The following PRELID2 variants were observed in gnomAD, a reference collection of about 807,000 sequenced individuals.
PRELID2 encodes PRELI domain containing 2, also known as PRELI domain-containing protein 2.
In PRELID2, 25 loss-of-function variants were observed where a neutral mutation model predicts 28.4. The ratio of observed to expected loss-of-function variants is 0.88; its 90% confidence interval spans 0.64 to 1.23. The LOEUF (loss-of-function observed/expected upper bound fraction) is 1.23. PRELID2 is among the 50% of genes most tolerant of loss of function. The probability of loss-of-function intolerance (pLI) is 0.00; values close to 1 mark genes in which losing one functional copy is unlikely to be tolerated. For synonymous variants in PRELID2, 76 were observed against 71.6 expected, an observed-to-expected ratio of 1.06 and a Z score of -0.31; for missense variants, 201 against 214.4, an observed-to-expected ratio of 0.94 and a Z score of 0.39.
intron 5 of PRELID2, among the ~76,000 whole-genome samples, chr5:145,792,964 G>T (rs367692577): frequency 6.6e-6 from 1 of 152,212 alleles, no homozygotes; most frequent in South Asian, 2.1e-4. Context: ...GGTCACAAAG[G>T]TGAGGAGAGC....
At chr5:145,477,342 AGAT>A (rs1305659414) in intron 1 of PRELID2, among the ~76,000 whole-genome samples, 13 of 152,172 alleles carry the variant, frequency 8.5e-5, no homozygotes, top group Non-Finnish European at 1.5e-5. Context: ...CATAGAGACA[AGAT>A]GGCGGCCATC....
chr5:145,685,895 C>T (rs537908036), intron 1 of PRELID2, among the ~76,000 whole-genome samples: 3 of 152,172 alleles, frequency 2.0e-5, no homozygotes, highest in Non-Finnish European at 4.4e-5. Flanking sequence ...TGTGAGGAAT[C>T]TCCTCCAAGA....
At chr5:145,367,709 TG>T in the PRELID2 span, among the ~76,000 whole-genome samples, 1 of 151,982 alleles carries the variant, frequency 6.6e-6, no homozygotes, top group Admixed American at 6.6e-5. Context: ...TAATACAGTG[TG>T]TAGCCTTTTT....
At chr5:145,291,291 T>G in the PRELID2 span, among the ~76,000 whole-genome samples, 309 of 136,410 alleles carry the variant, frequency 2.3e-3, 2 homozygotes, top group African/African-American at 8.8e-3. Flanking sequence ...GAGCCGAGAT[T>G]GCACTACTGC....
intron 1 of PRELID2, among the ~76,000 whole-genome samples, chr5:145,678,454 A>C (rs1352334847): frequency 2.0e-5 from 3 of 152,198 alleles, no homozygotes; most frequent in Non-Finnish European, 4.4e-5. Context: ...TGCACAGGAC[A>C]GTATCTGTCT....
At chr5:145,768,726 T>G (rs1471787823) in intron 5 of PRELID2, among the ~76,000 whole-genome samples, 2 of 152,180 alleles carry the variant, frequency 1.3e-5, no homozygotes, top group Admixed American at 6.5e-5. Flanking sequence ...CTTATTGAAC[T>G]GAACACTAAT....
chr5:145,741,221 T>TATGA (rs1554087929), intron 1 of PRELID2, among the ~76,000 whole-genome samples: 2 of 109,970 alleles, frequency 1.8e-5, no homozygotes, highest in Non-Finnish European at 3.3e-5. Flanking sequence ...ATATAAAATA[T>TATGA]ATATATAATA....
intron 1 of PRELID2, among the ~76,000 whole-genome samples, chr5:145,640,568 C>T: frequency 6.7e-6 from 1 of 149,088 alleles, no homozygotes; most frequent in South Asian, 2.1e-4. Context: ...GGTGTGAACC[C>T]GGGAGGCGGA....
At chr5:145,634,026 C>A (rs1221227110) in intron 1 of PRELID2, among the ~76,000 whole-genome samples, 1 of 152,098 alleles carries the variant, frequency 6.6e-6, no homozygotes, top group Non-Finnish European at 1.5e-5. Context: ...GCCCCATGTG[C>A]CCCAGCTCCC....
At chr5:145,241,865 T>C in the PRELID2 span, among the ~76,000 whole-genome samples, 2 of 151,766 alleles carry the variant, frequency 1.3e-5, no homozygotes, top group Non-Finnish European at 2.9e-5. Flanking sequence ...AGGCCATAAA[T>C]ACCAAAGTAC....
At chr5:145,598,915 G>A (rs1248776665) in intron 1 of PRELID2, among the ~76,000 whole-genome samples, 2 of 152,142 alleles carry the variant, frequency 1.3e-5, no homozygotes, top group Admixed American at 6.6e-5. Flanking sequence ...AATACTCAAA[G>A]AATTATTAGA....
the PRELID2 span, among the ~76,000 whole-genome samples, chr5:145,317,314 G>T: frequency 6.6e-6 from 1 of 152,198 alleles, no homozygotes; most frequent in African/African-American, 2.4e-5. Flanking sequence ...ATATGAAAAG[G>T]GTGCTCCTGA....
the PRELID2 span, among the ~76,000 whole-genome samples, chr5:145,372,917 ATAT>A: frequency 2.1e-4 from 14 of 65,462 alleles, no homozygotes; most frequent in African/African-American, 7.1e-4. Context: ...AATATATATG[ATAT>A]TATATATTAC....
intron 1 of PRELID2, among the ~76,000 whole-genome samples, chr5:145,520,696 GTAAT>G (rs1752556675): frequency 6.6e-6 from 1 of 151,926 alleles, no homozygotes; most frequent in African/African-American, 2.4e-5. Context: ...TAAATGTGTC[GTAAT>G]TAATTAATTA....
chr5:145,354,148 G>T, the PRELID2 span, among the ~76,000 whole-genome samples: 1 of 151,760 alleles, frequency 6.6e-6, no homozygotes, highest in African/African-American at 2.4e-5. Context: ...TTGCTAAGAG[G>T]CTGTAATTAC....
chr5:145,614,199 C>T (rs201493145), intron 1 of PRELID2, among the ~76,000 whole-genome samples: 3 of 152,288 alleles, frequency 2.0e-5, no homozygotes, highest in East Asian at 1.9e-4. Context: ...TGTACCAGTA[C>T]CATGCTGTTT....
chr5:145,505,725 A>C (rs1401043350), intron 1 of PRELID2, among the ~76,000 whole-genome samples: 1 of 152,230 alleles, frequency 6.6e-6, no homozygotes, highest in Non-Finnish European at 1.5e-5. Context: ...CATTATTCAC[A>C]ATAGCCAAGA....
the PRELID2 span, among the ~76,000 whole-genome samples, chr5:145,411,651 G>C: frequency 1.3e-5 from 2 of 152,164 alleles, no homozygotes; most frequent in African/African-American, 4.8e-5. Context: ...CTGGTGTCTA[G>C]AGGATGGTGG....
intron 1 of PRELID2, among the ~76,000 whole-genome samples, chr5:145,512,530 G>C (rs780227918): frequency 6.6e-6 from 1 of 152,218 alleles, no homozygotes; most frequent in Non-Finnish European, 1.5e-5. Context: ...ATCTCCCAGG[G>C]ACAAAGCACC....
Sources: allele counts gnomAD v4.1 joint callset (sites outside exome capture counted in the v4.1 genomes callset), GRCh38; gene constraint gnomAD v4.1.1; transcripts MANE v1.5; gene names NCBI Gene and HGNC (gene_info 2026-07-23, HGNC 2026-07-21).